The following EFR3B variants were observed in gnomAD, a reference collection of about 807,000 sequenced individuals.
EFR3B encodes the protein protein EFR3 homolog B.
Under a neutral mutation model 104.7 loss-of-function variants are expected in EFR3B, and 64 were observed. The ratio of observed to expected loss-of-function variants is 0.61; its 90% confidence interval spans 0.50 to 0.75. The LOEUF is 0.75. Among genes scored for constraint, EFR3B ranks in the 30% least tolerant of loss-of-function variants. EFR3B has a pLI of 0.00. For synonymous variants in EFR3B, 385 were observed against 417.9 expected (o/e 0.92, Z 0.96); for missense variants, 750 against 1,078.5 (o/e 0.70, Z 4.27).
chr2:25,075,178 A>G (rs1668602121), intron 1 of EFR3B, among the ~76,000 whole-genome samples: 1 of 152,108 alleles, frequency 6.6e-6, no homozygotes, highest in Non-Finnish European at 1.5e-5. Context: ...CATTTTCTTC[A>G]TATCCCCACC....
intron 12 of EFR3B, among the ~76,000 whole-genome samples, chr2:25,135,107 G>A (rs1670483537): frequency 1.3e-5 from 2 of 152,154 alleles, no homozygotes; most frequent in South Asian, 4.1e-4. Context: ...TACTCTTAAT[G>A]AGGCATTGTG....
At chr2:25,086,014 G>T (rs564757833) in intron 1 of EFR3B, among the ~76,000 whole-genome samples, 1 of 151,962 alleles carries the variant, frequency 6.6e-6, no homozygotes, top group African/African-American at 2.4e-5. Context: ...ATTTTTTAGA[G>T]CATACAGTAT....
intron 19 of EFR3B, chr2:25,145,261 A>T: frequency 1.7e-6 from 1 of 585,022 alleles, no homozygotes; most frequent in Non-Finnish European, 3.0e-6. Flanking sequence ...TCCCATGAGG[A>T]TATCATAAAA....
At chr2:25,143,365 A>G (rs1352614373) in intron 17 of EFR3B, among the ~76,000 whole-genome samples, 1 of 151,834 alleles carries the variant, frequency 6.6e-6, no homozygotes, top group Non-Finnish European at 1.5e-5. Context: ...TACTTTTTTA[A>G]TAAGAAAAGT....
chr2:25,145,103 C>A, intron 19 of EFR3B, 52 bp downstream of exon 19: 1 of 1,494,788 alleles, frequency 6.7e-7, no homozygotes, highest in Non-Finnish European at 9.1e-7. Flanking sequence ...GTAGATTGGA[C>A]GCTGGACTCC....
At chr2:25,133,972 G>A (rs535866294) in intron 12 of EFR3B, among the ~76,000 whole-genome samples, 1 of 152,086 alleles carries the variant, frequency 6.6e-6, no homozygotes, top group Non-Finnish European at 1.5e-5. Context: ...ATTCCTCAGA[G>A]GTTTTAAGCT....
intron 5 of EFR3B, 99 bp downstream of exon 5, chr2:25,121,893 G>T: frequency 6.7e-7 from 1 of 1,484,114 alleles, no homozygotes; most frequent in Non-Finnish European, 9.1e-7. Flanking sequence ...GTCTGCTTTT[G>T]TTAGTATCTG....
chr2:25,117,678 C>T (rs1669899981), intron 4 of EFR3B, among the ~76,000 whole-genome samples: 1 of 152,076 alleles, frequency 6.6e-6, no homozygotes, highest in Non-Finnish European at 1.5e-5. Flanking sequence ...TCCCAAAGTG[C>T]TGGGATTACA....
intron 5 of EFR3B, 113 bp downstream of exon 5, chr2:25,121,907 C>T (rs1670027180): frequency 7.0e-7 from 1 of 1,430,314 alleles, no homozygotes; most frequent in African/African-American, 1.4e-5. Context: ...GTATCTGTGT[C>T]TGCTCTGATG....
At chr2:25,121,506 C>T (rs1478614362) in intron 4 of EFR3B, among the ~76,000 whole-genome samples, 167 bp from the exon 5 acceptor site, 5 of 152,092 alleles carry the variant, frequency 3.3e-5, no homozygotes, top group African/African-American at 7.2e-5. Context: ...GAGAGGCGAG[C>T]GGGATTGGGA....
intron 17 of EFR3B, among the ~76,000 whole-genome samples, chr2:25,143,063 T>C (rs898363494): frequency 6.7e-6 from 1 of 149,030 alleles, no homozygotes; most frequent in African/African-American, 2.5e-5. Flanking sequence ...CTGGCTAACA[T>C]GGTGAAACCC....
chr2:25,138,331 G>A (rs1670574879), intron 15 of EFR3B, among the ~76,000 whole-genome samples: 1 of 152,230 alleles, frequency 6.6e-6, no homozygotes, highest in Non-Finnish European at 1.5e-5. Flanking sequence ...CCTTTGCGAT[G>A]CGCAGGCAGC....
chr2:25,145,310 A>G, intron 19 of EFR3B: 1 of 533,618 alleles, frequency 1.9e-6, no homozygotes. Flanking sequence ...GGTGGCTCAC[A>G]CCTGTGATCC....
intron 1 of EFR3B, among the ~76,000 whole-genome samples, chr2:25,055,305 A>G (rs1256008665): frequency 6.6e-6 from 1 of 152,230 alleles, no homozygotes; most frequent in Non-Finnish European, 1.5e-5. Flanking sequence ...GAATATTTTC[A>G]TAGATTTTAC....
chr2:25,086,705 AC>A (rs1207927719), intron 1 of EFR3B, among the ~76,000 whole-genome samples: 2 of 151,858 alleles, frequency 1.3e-5, no homozygotes, highest in Non-Finnish European at 2.9e-5. Context: ...TGATTCTGTT[AC>A]CTCAGCCTCC....
rs937075525 is a variant in EFR3B, at chr2:25,086,421, C to T, written c.8-4904C>T. On this transcript the variant is annotated intron_variant, in intron 1 of 22. Transcript: ENST00000403714. ...TCTTGCTGCTCCACATCCCTGCCAG[C>T]ATGCACTGTTAGTGTTCTGGATCTG... Among the ~76,000 whole-genome samples, 4 of 152,224 alleles carry T rather than the reference C, an allele frequency of 2.6e-5. No homozygotes were observed. The East Asian group carries it at 7.7e-4, about 29-fold the overall frequency.
chr2:25,062,106 ATAACT>A (rs1387392043), intron 1 of EFR3B, among the ~76,000 whole-genome samples: 8 of 152,224 alleles, frequency 5.3e-5, no homozygotes, highest in African/African-American at 1.9e-4. Flanking sequence ...TTTTTTCCCT[ATAACT>A]TAATGCTCAG....
intron 1 of EFR3B, among the ~76,000 whole-genome samples, chr2:25,060,936 A>AAGC (rs1553385283): frequency 6.7e-6 from 1 of 150,312 alleles, no homozygotes; most frequent in Non-Finnish European, 1.5e-5. Flanking sequence ...ACAAACAAAC[A>AAGC]AACAACAACA....
At position 25,093,087 on chromosome 2, in the gene EFR3B, C is replaced by G. The variant is rs1195980134; in HGVS notation, c.169C>G (p.Leu57Val). The G allele has an allele frequency of 6.4e-7, 1 of 1,551,766 alleles. No homozygotes were observed. The highest frequency in any genetic ancestry group is 2.0e-5 in the Admixed American group (1 of 51,010). The change falls in exon 3 of 23, where the codon CTC becomes GTC. Residue 57 changes from leucine to valine, a missense_variant. Transcript: ENST00000403714. ...PEKLDRIGAY[L>V]SERLIRDVGR... ...AAAACTTGATCGTATTGGCGCCTACCTCTCTGAGAGGCTCATCCGTGACGT... is the reference window on the plus strand; with the variant it reads ...AAAACTTGATCGTATTGGCGCCTACGTCTCTGAGAGGCTCATCCGTGACGT...
Sources: allele counts gnomAD v4.1 joint callset (sites outside exome capture counted in the v4.1 genomes callset), GRCh38; gene constraint gnomAD v4.1.1; transcripts MANE v1.5; gene names NCBI Gene and HGNC (gene_info 2026-07-23, HGNC 2026-07-21).